The following GPD2 variants were observed in gnomAD, a reference collection of about 807,000 sequenced individuals.
The protein encoded by GPD2 is glycerol-3-phosphate dehydrogenase, mitochondrial.
In GPD2, 54 loss-of-function variants were observed where a neutral mutation model predicts 82.4. The ratio of observed to expected loss-of-function variants is 0.66; its 90% CI spans 0.53 to 0.82. GPD2 has a LOEUF of 0.82. Among genes scored for constraint, GPD2 ranks in the 40% least tolerant of loss-of-function variants. The pLI, the probability that GPD2 is intolerant of heterozygous loss-of-function variation, is 0.00. For missense variants in GPD2, 748 were observed against 896.2 expected (o/e 0.83, Z 2.11); for synonymous variants, 288 against 306.1 (o/e 0.94, Z 0.62).
intron 2 of GPD2, among the ~76,000 whole-genome samples, chr2:156,492,455 T>C (rs943079295): frequency 1.3e-5 from 2 of 151,504 alleles, no homozygotes; most frequent in African/African-American, 4.9e-5. Flanking sequence ...TTTTTTTTTT[T>C]TTTTCTTTTT....
intron 2 of GPD2, among the ~76,000 whole-genome samples, chr2:156,479,287 C>T (rs1491000076): frequency 6.6e-6 from 1 of 152,152 alleles, no homozygotes; most frequent in Non-Finnish European, 1.5e-5. Context: ...ACCTTTAATG[C>T]AGTTGCCTGA....
At chr2:156,561,966 A>G (rs1009132456) in intron 9 of GPD2, among the ~76,000 whole-genome samples, 1 of 152,214 alleles carries the variant, frequency 6.6e-6, no homozygotes, top group Non-Finnish European at 1.5e-5. Flanking sequence ...TGAATTTTCT[A>G]GATTACTTGT....
chr2:156,446,656 C>A (rs1354826908), intron 1 of GPD2, among the ~76,000 whole-genome samples: 2 of 151,548 alleles, frequency 1.3e-5, no homozygotes, highest in African/African-American at 4.9e-5. Context: ...CTCACTGCAA[C>A]CTCTGCCTCC....
chr2:156,457,409 G>GA (rs1320329113), intron 1 of GPD2, among the ~76,000 whole-genome samples: 1 of 152,188 alleles, frequency 6.6e-6, no homozygotes, highest in African/African-American at 2.4e-5. Flanking sequence ...GATCTGAAGG[G>GA]AAAATCCTCT....
At chr2:156,581,980 A>G (rs565663470) in intron 16 of GPD2, among the ~76,000 whole-genome samples, 1 of 152,154 alleles carries the variant, frequency 6.6e-6, no homozygotes, top group African/African-American at 2.4e-5. Flanking sequence ...TAATGTGTAT[A>G]TATATATGAT....
At chr2:156,535,299 GA>G (rs1686024719) in intron 6 of GPD2, among the ~76,000 whole-genome samples, 1 of 147,366 alleles carries the variant, frequency 6.8e-6, no homozygotes, top group Non-Finnish European at 1.5e-5. Context: ...GAAAGAGAGA[GA>G]AAGAAAGAGA....
chr2:156,420,188 T>C, the GPD2 span, among the ~76,000 whole-genome samples: 2 of 152,314 alleles, frequency 1.3e-5, no homozygotes, highest in East Asian at 3.9e-4. Flanking sequence ...TCTTTCCTTT[T>C]TTTTTCTTTT....
intron 9 of GPD2, among the ~76,000 whole-genome samples, chr2:156,562,749 A>G (rs1036305887): frequency 6.6e-6 from 1 of 152,178 alleles, no homozygotes; most frequent in African/African-American, 2.4e-5. Flanking sequence ...ATCACATCAT[A>G]CTTAATTTTT....
At chr2:156,444,326 AT>A (rs1412838013) in intron 1 of GPD2, among the ~76,000 whole-genome samples, 3 of 152,112 alleles carry the variant, frequency 2.0e-5, no homozygotes, top group Admixed American at 2.0e-4. Flanking sequence ...CATAACAAGT[AT>A]ATTTTCACTT....
intron 3 of GPD2, among the ~76,000 whole-genome samples, chr2:156,506,148 G>A (rs1007048701): frequency 3.3e-5 from 5 of 152,116 alleles, no homozygotes; most frequent in Admixed American, 6.5e-5. Context: ...GCATATAATA[G>A]CAGTTGAAAA....
intron 3 of GPD2, among the ~76,000 whole-genome samples, chr2:156,498,747 A>T (rs1684479127): frequency 6.6e-6 from 1 of 152,266 alleles, no homozygotes; most frequent in East Asian, 1.9e-4. Flanking sequence ...GAGAAAAAGA[A>T]AATAGAAAGG....
At position 156,550,698 on chromosome 2, in the gene GPD2, T is replaced by C; in HGVS notation, c.923T>C (p.Ile308Thr). ...RKMDDKDAAA[I>T]CQPSAGVHIV... ...ATGGATGATAAAGACGCAGCAGCTA[T>C]CTGCCAGCCAAGTGCTGGTGTCCAT... Residue 308 changes from isoleucine (I) to threonine (T), a missense_variant, in exon 8 of 17, where the codon ATC becomes ACC. Transcript: ENST00000438166. 1 of 1,613,804 alleles carries C rather than the reference T, an allele frequency of 6.2e-7. No homozygotes were observed. The highest frequency in any genetic ancestry group is 8.5e-7 in the Non-Finnish European group (1 of 1,179,726).
In GPD2 at chr2:156,512,251, G is replaced by A. The variant is rs201559833; in HGVS notation, c.431G>A (p.Arg144His). The change falls in exon 5 of 17, where the codon CGT (arginine) becomes CAT (histidine). Residue 144 changes from arginine to histidine, a missense_variant. Physicochemically the swap from Arg to His is conservative, Grantham distance 29. Transcript: ENST00000438166. ...YRMVKEALHE[R>H]ANLLEIAPHL... Reference sequence around the variant, plus strand: ...ATGGTAAAAGAAGCCCTTCATGAGCGTGCCAACCTGCTAGAAATTGCTCCC... The same window carrying A: ...ATGGTAAAAGAAGCCCTTCATGAGCATGCCAACCTGCTAGAAATTGCTCCC... 156 of 1,600,138 alleles carry A rather than the reference G, an allele frequency of 9.7e-5. 1 individual carries two copies. The highest frequency in any genetic ancestry group is 1.3e-4 in the Non-Finnish European group (146 of 1,167,516).
At chr2:156,510,737 A>G in intron 3 of GPD2, 59 bp from the exon 4 acceptor site, 1 of 1,430,708 alleles carries the variant, frequency 7.0e-7, no homozygotes, top group Non-Finnish European at 9.9e-7. Flanking sequence ...AAGTGCCTTT[A>G]ATGAATTACA....
intron 1 of GPD2, among the ~76,000 whole-genome samples, chr2:156,452,163 A>G (rs960250334): frequency 2.0e-5 from 3 of 152,208 alleles, no homozygotes; most frequent in Non-Finnish European, 1.5e-5. Context: ...GCGGCCGGGC[A>G]GAGGCTGCAC....
intron 2 of GPD2, among the ~76,000 whole-genome samples, chr2:156,494,435 A>C: frequency 6.6e-6 from 1 of 152,230 alleles, no homozygotes; most frequent in East Asian, 1.9e-4. Flanking sequence ...GCTGGTAACC[A>C]GGTGCTAAAT....
the GPD2 span, among the ~76,000 whole-genome samples, chr2:156,427,281 G>T: frequency 1.3e-5 from 2 of 152,138 alleles, no homozygotes. Context: ...GGAACTGAGT[G>T]GTATAGCCAT....
intron 3 of GPD2, among the ~76,000 whole-genome samples, chr2:156,496,732 T>G (rs1338880848): frequency 1.3e-5 from 2 of 152,060 alleles, no homozygotes; most frequent in African/African-American, 4.8e-5. Flanking sequence ...TTAAAGCACA[T>G]ATTTATATTT....
chr2:156,580,609 A>C (rs1247146422), intron 16 of GPD2, among the ~76,000 whole-genome samples: 5 of 152,206 alleles, frequency 3.3e-5, no homozygotes, highest in African/African-American at 9.6e-5. Context: ...CATGGCAATG[A>C]TGAATGCTGA....
Sources: gnomAD v4.1 joint callset for allele counts (sites outside exome capture counted in the v4.1 genomes callset) on GRCh38, gnomAD v4.1.1 for gene constraint, MANE v1.5 for transcripts, NCBI Gene and HGNC (gene_info 2026-07-23, HGNC 2026-07-21) for gene names.